The following TMTC2 variants were observed in gnomAD, a reference collection of about 807,000 sequenced individuals.
The protein encoded by TMTC2 is transmembrane O-mannosyltransferase targeting cadherins 2.
In TMTC2, 43 loss-of-function variants were observed where a neutral mutation model predicts 82.4. The observed-to-expected ratio is 0.52, with a 90% confidence interval of 0.41 to 0.67. The LOEUF (loss-of-function observed/expected upper bound fraction) is 0.67. Among genes scored for constraint, TMTC2 ranks in the 30% least tolerant of loss-of-function variants. The pLI is 0.00. For synonymous variants in TMTC2, 408 were observed against 381.9 expected (o/e 1.07, Z -0.80); for missense variants, 919 against 1,012.4 (o/e 0.91, Z 1.25).
At chr12:82,696,964 G>A (rs201999877) in intron 1 of TMTC2, among the ~76,000 whole-genome samples, 2,134 of 139,956 alleles carry the variant, frequency 0.015, 50 homozygotes, top group East Asian at 0.052. Context: ...ACATACATAC[G>A]TATATATATA....
chr12:83,003,171 A>G (rs1880004522), intron 8 of TMTC2, among the ~76,000 whole-genome samples: 1 of 152,034 alleles, frequency 6.6e-6, no homozygotes, highest in African/African-American at 2.4e-5. Flanking sequence ...ATCATATAAT[A>G]CCCTTCCTTG....
intron 11 of TMTC2, among the ~76,000 whole-genome samples, chr12:83,130,654 C>T (rs1885232282): frequency 6.6e-6 from 1 of 151,982 alleles, no homozygotes; most frequent in Non-Finnish European, 1.5e-5. Flanking sequence ...AAAGACTGCC[C>T]AACAACATAA....
At chr12:83,009,301 C>T (rs987714272) in intron 8 of TMTC2, among the ~76,000 whole-genome samples, 10 of 152,032 alleles carry the variant, frequency 6.6e-5, no homozygotes, top group African/African-American at 1.4e-4. Context: ...AAACTTAGTC[C>T]GGTTCCTGAA....
intron 8 of TMTC2, 22 bp from the exon 9 acceptor site, chr12:83,030,775 AT>A (rs768771868): frequency 6.3e-7 from 1 of 1,583,282 alleles, no homozygotes; most frequent in Non-Finnish European, 8.7e-7. Flanking sequence ...TTCCTGAATC[AT>A]CCATTTTCTC....
chr12:82,933,962 A>G (rs1262018074), intron 4 of TMTC2, among the ~76,000 whole-genome samples: 1 of 152,224 alleles, frequency 6.6e-6, no homozygotes, highest in Non-Finnish European at 1.5e-5. Flanking sequence ...GGTATATACA[A>G]AGAGTTATAT....
At chr12:82,781,950 A>G (rs1877932403) in intron 1 of TMTC2, among the ~76,000 whole-genome samples, 1 of 151,930 alleles carries the variant, frequency 6.6e-6, no homozygotes, top group South Asian at 2.1e-4. Context: ...GTGCTTTAGA[A>G]AGCAGGGCCT....
chr12:82,702,736 G>C (rs1251860383), intron 1 of TMTC2, among the ~76,000 whole-genome samples: 1 of 152,182 alleles, frequency 6.6e-6, no homozygotes, highest in Non-Finnish European at 1.5e-5. Context: ...AGACTGGCCT[G>C]GGCAACATAG....
At chr12:82,847,098 TTCTC>T (rs1870726702) in intron 1 of TMTC2, among the ~76,000 whole-genome samples, 2 of 152,276 alleles carry the variant, frequency 1.3e-5, no homozygotes, top group East Asian at 1.9e-4. Context: ...TGCATAGTAT[TTCTC>T]TCATTCTCTT....
At chr12:83,011,277 G>T (rs1286625193) in intron 8 of TMTC2, among the ~76,000 whole-genome samples, 1 of 152,140 alleles carries the variant, frequency 6.6e-6, no homozygotes, top group African/African-American at 2.4e-5. Flanking sequence ...AGACTGCCTG[G>T]CTTGTTCAAC....
At chr12:82,914,817 AT>A (rs71068958) in intron 3 of TMTC2, among the ~76,000 whole-genome samples, 7,651 of 86,612 alleles carry the variant, frequency 0.088, 219 homozygotes, top group African/African-American at 0.16. Flanking sequence ...CAACTCACTT[AT>A]TTTTTTTTTT....
intron 9 of TMTC2, among the ~76,000 whole-genome samples, chr12:83,047,223 G>A (rs1309127770): frequency 6.6e-6 from 1 of 152,166 alleles, no homozygotes; most frequent in Non-Finnish European, 1.5e-5. Context: ...GCTGATGGGA[G>A]AGGGGTGATG....
chr12:82,855,326 A>T (rs1402603091), intron 1 of TMTC2, among the ~76,000 whole-genome samples: 2 of 152,192 alleles, frequency 1.3e-5, no homozygotes, highest in Non-Finnish European at 2.9e-5. Context: ...GGACTCAGGA[A>T]CGTTTTCCCT....
At chr12:82,941,056 C>T (rs1054480105) in intron 4 of TMTC2, among the ~76,000 whole-genome samples, 10 of 151,828 alleles carry the variant, frequency 6.6e-5, no homozygotes, top group East Asian at 5.8e-4. Context: ...TACATAAATA[C>T]GATATAAAGG....
intron 4 of TMTC2, among the ~76,000 whole-genome samples, chr12:82,944,564 C>CAAAAAAAAAAA (rs11296823): frequency 1.1e-5 from 1 of 92,842 alleles, no homozygotes; most frequent in Non-Finnish European, 2.2e-5. Flanking sequence ...GTGACAGTCT[C>CAAAAAAAAAAA]AAAAAAAAAA....
At chr12:82,715,007 C>T (rs188566916) in intron 1 of TMTC2, among the ~76,000 whole-genome samples, 38 of 152,076 alleles carry the variant, frequency 2.5e-4, no homozygotes, top group South Asian at 4.2e-4. Context: ...CACGGTGGCT[C>T]GCACCTGTAA....
At chr12:83,091,174 G>A (rs1883834234) in intron 11 of TMTC2, among the ~76,000 whole-genome samples, 1 of 152,172 alleles carries the variant, frequency 6.6e-6, no homozygotes, top group East Asian at 1.9e-4. Flanking sequence ...CTTTTGCACA[G>A]GTGACAGTAG....
chr12:82,750,133 C>G (rs541693117), intron 1 of TMTC2, among the ~76,000 whole-genome samples: 2 of 152,242 alleles, frequency 1.3e-5, no homozygotes, highest in African/African-American at 4.8e-5. Flanking sequence ...TCTGTGATGG[C>G]TCACTACATA....
At chr12:83,117,370 A>G (rs1343131384) in intron 11 of TMTC2, among the ~76,000 whole-genome samples, 1 of 152,230 alleles carries the variant, frequency 6.6e-6, no homozygotes, top group Non-Finnish European at 1.5e-5. Context: ...TAAAATCCTT[A>G]ACAAAATACT....
intron 1 of TMTC2, among the ~76,000 whole-genome samples, chr12:82,843,022 G>C (rs1294078066): frequency 6.6e-6 from 1 of 152,214 alleles, no homozygotes; most frequent in African/African-American, 2.4e-5. Flanking sequence ...ATAACAGGGA[G>C]AGCAGTAGAC....
Sources: gnomAD v4.1 joint callset for allele counts (sites outside exome capture counted in the v4.1 genomes callset) on GRCh38, gnomAD v4.1.1 for gene constraint, MANE v1.5 for transcripts, NCBI Gene and HGNC (gene_info 2026-07-23, HGNC 2026-07-21) for gene names.